Variants in TENM2 observed in about 807,000 individuals in gnomAD.
The protein encoded by TENM2 is teneurin-2.
Under a neutral mutation model 245.2 loss-of-function variants are expected in TENM2, and 52 were observed. The observed-to-expected ratio is 0.21, with a 90% CI of 0.17 to 0.27. The LOEUF (loss-of-function observed/expected upper bound fraction) is 0.27, where lower values mean the gene tolerates loss of function less well. Ranked by LOEUF, TENM2 falls within the 10% of genes least tolerant of loss-of-function variation. TENM2 has a pLI of 1.00. For missense variants in TENM2, 3,046 were observed against 3,666.8 expected, an observed-to-expected ratio of 0.83 and a Z score of 4.37; for synonymous variants, 1,363 against 1,438.9, an observed-to-expected ratio of 0.95 and a Z score of 1.19.
intron 2 of TENM2, among the ~76,000 whole-genome samples, chr5:167,638,568 G>A (rs1326170700): frequency 1.3e-5 from 2 of 152,222 alleles, no homozygotes; most frequent in East Asian, 3.9e-4. Flanking sequence ...AAGACAGAGT[G>A]TGAAGGATGA....
At chr5:168,026,174 A>C (rs897327517) in intron 5 of TENM2, among the ~76,000 whole-genome samples, 1 of 152,190 alleles carries the variant, frequency 6.6e-6, no homozygotes, top group African/African-American at 2.4e-5. Flanking sequence ...AGCCACAAGA[A>C]GCCTGTCCTT....
intron 2 of TENM2, among the ~76,000 whole-genome samples, chr5:167,631,946 G>A (rs1426019017): frequency 6.6e-6 from 1 of 152,140 alleles, no homozygotes; most frequent in Non-Finnish European, 1.5e-5. Flanking sequence ...AATTGGGTCA[G>A]TTTTGGTCGC....
At chr5:167,430,631 T>G (rs770424904) in intron 2 of TENM2, among the ~76,000 whole-genome samples, 1 of 152,162 alleles carries the variant, frequency 6.6e-6, no homozygotes, top group Non-Finnish European at 1.5e-5. Flanking sequence ...GCCTATTAAG[T>G]GGCCCCATGG....
intron 2 of TENM2, among the ~76,000 whole-genome samples, chr5:167,462,866 C>A (rs759117515): frequency 1.3e-5 from 2 of 151,924 alleles, no homozygotes; most frequent in African/African-American, 2.4e-5. Flanking sequence ...GAGGGTGGAG[C>A]GTTTGCTGGA....
chr5:167,609,488 C>CAAAAAAAAAAAAAAAAAA (rs5873049), intron 2 of TENM2, among the ~76,000 whole-genome samples: 7 of 36,692 alleles, frequency 1.9e-4, no homozygotes, highest in East Asian at 2.3e-3. Flanking sequence ...CCTGATGATG[C>CAAAAAAAAAAAAAAAAAA]AAAAAAAAAA....
At chr5:167,388,402 C>T (rs1761568059) in intron 2 of TENM2, among the ~76,000 whole-genome samples, 1 of 151,962 alleles carries the variant, frequency 6.6e-6, no homozygotes, top group African/African-American at 2.4e-5. Flanking sequence ...TTCTCTCTTT[C>T]TTTAGTTAAT....
intron 2 of TENM2, among the ~76,000 whole-genome samples, chr5:167,692,662 T>C (rs146107605): frequency 6.6e-6 from 1 of 152,194 alleles, no homozygotes; most frequent in African/African-American, 2.4e-5. Context: ...GCAGAAGCAA[T>C]TGTATTTATT....
chr5:167,267,402 T>C, the TENM2 span, among the ~76,000 whole-genome samples: 1 of 152,186 alleles, frequency 6.6e-6, no homozygotes, highest in Non-Finnish European at 1.5e-5. Flanking sequence ...ATTTTTATAA[T>C]CAAAGGTAAT....
chr5:167,896,185 C>T (rs1414138028), intron 3 of TENM2, among the ~76,000 whole-genome samples: 5 of 152,218 alleles, frequency 3.3e-5, no homozygotes, highest in African/African-American at 1.2e-4. Flanking sequence ...GAGATGGCAC[C>T]TGATTGGCAT....
chr5:167,504,948 A>G (rs566781458), intron 2 of TENM2, among the ~76,000 whole-genome samples: 167 of 152,016 alleles, frequency 1.1e-3, no homozygotes, highest in South Asian at 3.9e-3. Flanking sequence ...AGTTTTCGTC[A>G]TTCAAAAAGC....
At chr5:167,299,188 G>A (rs920017186) in intron 1 of TENM2, among the ~76,000 whole-genome samples, 6 of 152,176 alleles carry the variant, frequency 3.9e-5, no homozygotes, top group Non-Finnish European at 5.9e-5. Flanking sequence ...GGGATATAAA[G>A]GTTTCACCGA....
At chr5:167,416,300 T>C (rs1375571572) in intron 2 of TENM2, among the ~76,000 whole-genome samples, 1 of 152,122 alleles carries the variant, frequency 6.6e-6, no homozygotes, top group African/African-American at 2.4e-5. Flanking sequence ...TTACTTTGGG[T>C]AAGATAAAAG....
chr5:167,360,430 G>C (rs1162540462), intron 1 of TENM2, among the ~76,000 whole-genome samples: 5 of 152,102 alleles, frequency 3.3e-5, no homozygotes, highest in Non-Finnish European at 7.3e-5. Context: ...TAGTGAATAA[G>C]GCTCTTTGCC....
chr5:168,126,405 C>T (rs148084460), intron 11 of TENM2, among the ~76,000 whole-genome samples: 59 of 152,238 alleles, frequency 3.9e-4, no homozygotes, highest in African/African-American at 1.3e-3. Context: ...CACATTCTAG[C>T]GAGTATCAAA....
intron 5 of TENM2, among the ~76,000 whole-genome samples, chr5:168,014,974 C>G (rs777728380): frequency 3.7e-4 from 57 of 152,104 alleles, no homozygotes; most frequent in Non-Finnish European, 5.0e-4. Flanking sequence ...TCTGTGTAGA[C>G]TGGTGAAGCT....
At chr5:167,365,340 A>G (rs1249255260) in intron 1 of TENM2, among the ~76,000 whole-genome samples, 3 of 151,948 alleles carry the variant, frequency 2.0e-5, no homozygotes, top group Admixed American at 6.6e-5. Context: ...AATATTTCAA[A>G]TCAGTGGTCT....
At chr5:168,154,489 T>C (rs1210254997) in intron 12 of TENM2, among the ~76,000 whole-genome samples, 1 of 152,188 alleles carries the variant, frequency 6.6e-6, no homozygotes, top group African/African-American at 2.4e-5. Flanking sequence ...CCTCCCAAAG[T>C]GCTAGGATTA....
At chr5:167,881,064 G>C (rs1278455863) in intron 3 of TENM2, among the ~76,000 whole-genome samples, 1 of 152,148 alleles carries the variant, frequency 6.6e-6, no homozygotes, top group Admixed American at 6.6e-5. Context: ...CATGGAGATG[G>C]ATTTGGGATG....
the TENM2 span, among the ~76,000 whole-genome samples, chr5:167,006,030 T>G: frequency 6.6e-6 from 1 of 152,040 alleles, no homozygotes; most frequent in Admixed American, 6.6e-5. Context: ...TAGGACATGG[T>G]AGGAGAGGAT....
Sources: allele counts gnomAD v4.1 joint callset (sites outside exome capture counted in the v4.1 genomes callset), GRCh38; gene constraint gnomAD v4.1.1; transcripts MANE v1.5; gene names NCBI Gene and HGNC (gene_info 2026-07-23, HGNC 2026-07-21).